MAK: variants seen among roughly 807,000 people sequenced by gnomAD.
MAK encodes the protein serine/threonine-protein kinase MAK.
Under a neutral mutation model 82.6 loss-of-function variants are expected in MAK, and 65 were observed. The observed-to-expected ratio is 0.79, with a 90% CI of 0.64 to 0.97. The LOEUF is 0.97. Among genes scored for constraint, MAK ranks in the 50% least tolerant of loss-of-function variants. The pLI is 0.00. For synonymous variants in MAK, 250 were observed against 274.2 expected (o/e 0.91, Z 0.87); for missense variants, 703 against 780.2 (o/e 0.90, Z 1.18).
chr6:10,804,041 T>A, intron 6 of MAK, 150 bp from the exon 7 acceptor site: 1 of 702,780 alleles, frequency 1.4e-6, no homozygotes, highest in Non-Finnish European at 2.5e-6. Flanking sequence ...TTGTACAATG[T>A]TCTGGGGATA....
Position 10,776,450 on chromosome 6 carries a change from C to A in MAK, c.1466-991G>T, listed in dbSNP as rs146370792. ...ACTTCTTGAGCTTGTTTTCTTTTCA[C>A]TGATAATTAAATTAGAGTGAACTTG... On this transcript the variant is annotated intron_variant, in intron 11 of 14. Transcript: ENST00000354489. This position sits in a 1 kb window ranked among gnomAD's most constrained non-coding sequence, Gnocchi z 4.3. Among the ~76,000 whole-genome samples, 968 of 152,160 alleles carry A rather than the reference C, an allele frequency of 6.4e-3. 11 individuals are homozygous for A. Among genetic ancestry groups the A allele is most frequent in the African/African-American group, 0.022 (922 of 41,494 alleles).
At chr6:10,783,810 G>A (rs1479248228) in intron 11 of MAK, among the ~76,000 whole-genome samples, 1 of 152,182 alleles carries the variant, frequency 6.6e-6, no homozygotes, top group African/African-American at 2.4e-5. Context: ...CACAAGGTCA[G>A]GAGATCGAGA....
intron 1 of MAK, among the ~76,000 whole-genome samples, chr6:10,836,810 T>A (rs1779175231): frequency 6.6e-6 from 1 of 152,228 alleles, no homozygotes; most frequent in African/African-American, 2.4e-5. Context: ...TTTTCTACAA[T>A]CAAGCTATAA....
At chr6:10,807,483 A>G (rs1446398973) in intron 6 of MAK, among the ~76,000 whole-genome samples, 1 of 151,452 alleles carries the variant, frequency 6.6e-6, no homozygotes, top group African/African-American at 2.4e-5. Flanking sequence ...ACTGGCACCA[A>G]GGCGCGTGAC....
At chr6:10,803,974 A>T (rs1393636457) in intron 6 of MAK, 83 bp from the exon 7 acceptor site, 16 of 1,173,846 alleles carry the variant, frequency 1.4e-5, no homozygotes, top group Non-Finnish European at 1.9e-5. Flanking sequence ...CTGTGTGGTC[A>T]TGCATTTCCA....
chr6:10,806,680 A>G (rs1776489332), intron 6 of MAK, among the ~76,000 whole-genome samples: 1 of 151,446 alleles, frequency 6.6e-6, no homozygotes, highest in South Asian at 2.1e-4. Flanking sequence ...TTTAGTAGAG[A>G]CTGGGTTTCA....
chr6:10,819,332 G>A (rs7754100), intron 2 of MAK, among the ~76,000 whole-genome samples: 9,112 of 152,202 alleles, frequency 0.06, 858 homozygotes, highest in African/African-American at 0.21. Context: ...AACTACAAAC[G>A]TTAGAAATGG....
chr6:10,774,604 A>AT (rs1773310208), intron 12 of MAK, among the ~76,000 whole-genome samples: 1 of 152,210 alleles, frequency 6.6e-6, no homozygotes, highest in African/African-American at 2.4e-5. Flanking sequence ...TACTGATCTC[A>AT]TAAAAAAAAA....
Position 10,775,445 on chromosome 6 carries a change from T to C in MAK, c.1480A>G (p.Lys494Glu), listed in dbSNP as rs766593207. ...TTTCCACTGGCTATCAAGGACACCT[T>C]CTTGGGATTCACACCTGAGAAGAAC... ...SRYLPGVNPK[K>E]VSLIASGKEI... Residue 494 changes from lysine to glutamate, a missense_variant, in exon 12 of 15, where the codon AAG (lysine) becomes GAG (glutamate). Coordinates refer to ENST00000354489, the MANE Select transcript of MAK (RefSeq NM_001242957.3). 59 of 1,611,764 alleles carry C rather than the reference T, an allele frequency of 3.7e-5. No individual in the cohort carries two copies. Among genetic ancestry groups the C allele is most frequent in the Non-Finnish European group, 5.0e-5 (59 of 1,179,550 alleles).
At chr6:10,791,931 A>C in intron 9 of MAK, 84 bp from the exon 10 acceptor site, 1 of 1,383,462 alleles carries the variant, frequency 7.2e-7, no homozygotes, top group Non-Finnish European at 1.0e-6. Flanking sequence ...GTAAGACACT[A>C]ACAGTCCCCA....
At chr6:10,778,868 C>T (rs1259053676) in intron 11 of MAK, among the ~76,000 whole-genome samples, 1 of 152,052 alleles carries the variant, frequency 6.6e-6, no homozygotes, top group Non-Finnish European at 1.5e-5. Context: ...TGGCTCATGC[C>T]TGTAATCCCA....
chr6:10,805,585 A>G (rs910884766), intron 6 of MAK, among the ~76,000 whole-genome samples: 3 of 151,970 alleles, frequency 2.0e-5, no homozygotes, highest in Non-Finnish European at 4.4e-5. Flanking sequence ...AAAAAAAAAA[A>G]AAGAAGTTTG....
intron 10 of MAK, among the ~76,000 whole-genome samples, chr6:10,785,918 A>G (rs1054160361): frequency 2.6e-5 from 4 of 152,206 alleles, no homozygotes; most frequent in African/African-American, 7.2e-5. Flanking sequence ...GTATAAATCT[A>G]AATATAAATA....
At chr6:10,766,683 C>T (rs750127200) in intron 14 of MAK, among the ~76,000 whole-genome samples, 7 of 151,944 alleles carry the variant, frequency 4.6e-5, no homozygotes, top group Non-Finnish European at 1.0e-4. Context: ...GAAGAGACAG[C>T]GTGGGAGGGG....
At chr6:10,832,700 C>T (rs1402290411) in intron 1 of MAK, among the ~76,000 whole-genome samples, 5 of 152,072 alleles carry the variant, frequency 3.3e-5, no homozygotes, top group Non-Finnish European at 7.4e-5. Flanking sequence ...GGTTTCACCA[C>T]GTTGGACAGG....
At position 10,793,883 on chromosome 6, in the gene MAK, C is replaced by T. The variant is rs1048164530; in HGVS notation, c.1144-2036G>A. Among the ~76,000 whole-genome samples, 12 of 152,068 alleles carry T rather than the reference C, an allele frequency of 7.9e-5. No individual in the cohort carries two copies. Among genetic ancestry groups the T allele is most frequent in the African/African-American group, 2.9e-4 (12 of 41,398 alleles). ...CGAGTGCACATATGGTTTAGAATGT[C>T]GGAGGTGATTCGCCCTGCTCTATAT... On this transcript the variant is annotated intron_variant, in intron 9 of 14. Transcript: ENST00000354489. This position sits in a 1 kb window ranked among gnomAD's most constrained non-coding sequence, Gnocchi z 4.6.
intron 2 of MAK, 85 bp downstream of exon 2, chr6:10,830,463 T>C: frequency 8.7e-7 from 1 of 1,149,286 alleles, no homozygotes; most frequent in Non-Finnish European, 1.3e-6. Flanking sequence ...CGCGCTGGCC[T>C]GTGCTGGTAT....
rs572160664 is a variant in MAK at position 10,806,159 on chromosome 6, T to C, written c.492-2268A>G. On this transcript the variant is annotated intron_variant, in intron 6 of 14. Coordinates refer to ENST00000354489, the MANE Select transcript of MAK (RefSeq NM_001242957.3). ...GCACGTGCCCATTTCCCCTTTGACC[T>C]TCACCCCGCCATCTTTTCTTTTTTT... Among the ~76,000 whole-genome samples, 6 of 145,984 alleles carry C rather than the reference T, an allele frequency of 4.1e-5. No homozygotes were observed. In the South Asian group the frequency reaches 1.3e-3, roughly 33 times the overall value.
rs7747532 is a variant in MAK, at chr6:10,800,016, C to A, written c.831+1876G>T. On this transcript the variant is annotated intron_variant, in intron 8 of 14. Coordinates refer to ENST00000354489, the MANE Select transcript of MAK (RefSeq NM_001242957.3). This position sits in a 1 kb window ranked among gnomAD's most constrained non-coding sequence, Gnocchi z 4.2. ...TGAACCGAGATCACGCTACTGCACT[C>A]CAGCCTGGGCGATGGAGCGAGACTC... Among the ~76,000 whole-genome samples, 5,374 of 152,050 alleles carry A rather than the reference C, an allele frequency of 0.035. 253 individuals carry two copies. Among genetic ancestry groups the A allele is most frequent in the African/African-American group, 0.12 (4,958 of 41,408 alleles).
Sources: allele counts gnomAD v4.1 joint callset (sites outside exome capture counted in the v4.1 genomes callset), GRCh38; gene constraint gnomAD v4.1.1; non-coding constraint Gnocchi (gnomAD v3.1); transcripts MANE v1.5; gene names NCBI Gene and HGNC (gene_info 2026-07-23, HGNC 2026-07-21).